Variants in TMC2 observed in about 807,000 individuals in gnomAD.
The protein encoded by TMC2 is transmembrane channel-like protein 2.
Under a neutral mutation model 105.9 loss-of-function variants are expected in TMC2, and 102 were observed. That is an observed-to-expected ratio of 0.96 (90% CI 0.82 to 1.14). TMC2 has a LOEUF of 1.14. Among genes scored for constraint, TMC2 ranks in the 50% most tolerant of loss-of-function variants. The pLI, the probability that TMC2 is intolerant of heterozygous loss-of-function variation, is 0.00. For synonymous variants in TMC2, 402 were observed against 422.8 expected, an observed-to-expected ratio of 0.95 and a Z score of 0.60; for missense variants, 1,093 against 1,134.3, an observed-to-expected ratio of 0.96 and a Z score of 0.52.
rs556619976 is a variant in TMC2, at chr20:2,633,108, T to C, written c.2307-2818T>C. Among the ~76,000 whole-genome samples the C allele has an allele frequency of 2.0e-5, 3 of 152,376 alleles. No individual in the cohort carries two copies. In the East Asian group the frequency reaches 5.8e-4, roughly 29 times the overall value. On this transcript the variant is annotated intron_variant, in intron 17 of 19. Transcript: ENST00000358864. ...TAAAGTCTGTGCTCAGTTAGCTTAG[T>C]AGACACCTACTGACTGGAAAGAGAT...
At chr20:2,537,978 G>T (rs1385782748) in intron 2 of TMC2, among the ~76,000 whole-genome samples, 2 of 152,098 alleles carry the variant, frequency 1.3e-5, no homozygotes, top group Non-Finnish European at 2.9e-5. Context: ...ACACTAGTAG[G>T]CAAGAAACCA....
intron 2 of TMC2, among the ~76,000 whole-genome samples, chr20:2,557,746 G>A (rs1409865068): frequency 6.6e-6 from 1 of 152,128 alleles, no homozygotes; most frequent in Non-Finnish European, 1.5e-5. Flanking sequence ...GGCCAGTCTG[G>A]TCTCCAACTC....
intron 1 of TMC2, 152 bp from the exon 2 acceptor site, chr20:2,537,117 G>A (rs1456339486): frequency 4.4e-6 from 3 of 682,978 alleles, no homozygotes; most frequent in East Asian, 2.7e-5. Flanking sequence ...GACAGGCAGG[G>A]GACTCTATAA....
At chr20:2,596,451 G>A (rs2086307256) in intron 9 of TMC2, among the ~76,000 whole-genome samples, 1 of 152,030 alleles carries the variant, frequency 6.6e-6, no homozygotes, top group African/African-American at 2.4e-5. Flanking sequence ...GGCCAACATG[G>A]CAAAACCCCA....
chr20:2,640,881 G>A (rs1176664293), intron 19 of TMC2, among the ~76,000 whole-genome samples: 1 of 151,952 alleles, frequency 6.6e-6, no homozygotes, highest in African/African-American at 2.4e-5. Context: ...TAGAAAACCC[G>A]GGATCAGAGA....
At chr20:2,639,259 G>A (rs1181742802) in intron 19 of TMC2, among the ~76,000 whole-genome samples, 1 of 152,194 alleles carries the variant, frequency 6.6e-6, no homozygotes, top group Non-Finnish European at 1.5e-5. Context: ...CTGCAGTAGT[G>A]ACAGTGGTGT....
chr20:2,552,442 G>A (rs532440528), intron 2 of TMC2, among the ~76,000 whole-genome samples: 1 of 152,282 alleles, frequency 6.6e-6, no homozygotes, highest in East Asian at 1.9e-4. Flanking sequence ...AGTTCTTTGA[G>A]TTCTTTCATC....
At chr20:2,609,880 C>T (rs1211809181) in intron 11 of TMC2, among the ~76,000 whole-genome samples, 2 of 152,172 alleles carry the variant, frequency 1.3e-5, no homozygotes, top group Non-Finnish European at 2.9e-5. Flanking sequence ...TGGAGTCTTG[C>T]TCTGTCACCC....
In TMC2 at chr20:2,606,880, ATTTCTTT is replaced by A. The variant is rs1200578577; in HGVS notation, c.1414-3528_1414-3522del. On this transcript the variant is annotated intron_variant, in intron 11 of 19. Transcript: ENST00000358864. ...TCAATTTTAATATAGTTTTCCCTTA[ATTTCTTT>A]TTTCTTTTTTTTTTTTTTTTTTTGC... Among the ~76,000 whole-genome samples, 40 of 88,014 alleles carry A rather than the reference ATTTCTTT, an allele frequency of 4.5e-4. 1 individual carries two copies. Among genetic ancestry groups the A allele is most frequent in the African/African-American group, 2.3e-3 (38 of 16,844 alleles). 57.7% of individuals were successfully genotyped at this position (88,014 alleles called of 152,430 possible). A position where few individuals can be genotyped will look rare whatever the true frequency, so the allele number is the denominator to read the frequency against.
chr20:2,562,884 T>C (rs1271436768), intron 4 of TMC2, among the ~76,000 whole-genome samples: 1 of 151,584 alleles, frequency 6.6e-6, no homozygotes. Context: ...AGACAGAGGT[T>C]GTAGTGAGCC....
intron 6 of TMC2, among the ~76,000 whole-genome samples, 154 bp downstream of exon 6, chr20:2,579,381 A>ATTTTT (rs763353264): frequency 6.8e-6 from 1 of 147,886 alleles, no homozygotes; most frequent in Non-Finnish European, 1.5e-5. Context: ...GCCAAGATTT[A>ATTTTT]TTTTTTATTT....
intron 18 of TMC2, 97 bp downstream of exon 18, chr20:2,636,101 G>A: frequency 1.9e-6 from 2 of 1,039,850 alleles, no homozygotes; most frequent in Non-Finnish European, 3.0e-6. Flanking sequence ...TTATCTAAAT[G>A]GCTTTCTTCT....
Position 2,597,140 on chromosome 20 carries a change from G to A in TMC2, c.1077-11G>A. The A allele has an allele frequency of 6.2e-7, 1 of 1,613,558 alleles. No homozygotes were observed. The highest frequency in any genetic ancestry group is 8.5e-7 in the Non-Finnish European group (1 of 1,179,690). On this transcript the variant is annotated splice_polypyrimidine_tract_variant and intron_variant, in intron 9 of 19. Transcript: ENST00000358864. ...AGGGCAGACGTCACAACAGTGCTGT[G>A]TGCCCTACAGGATGGCCAGCAATAC...
chr20:2,624,232 C>T, intron 16 of TMC2, 39 bp from the exon 17 acceptor site: 3 of 1,600,184 alleles, frequency 1.9e-6, no homozygotes, highest in South Asian at 1.1e-5. Flanking sequence ...GCCACAGGCA[C>T]ATGGCAGCAT....
chr20:2,631,571 T>A (rs2086603083), intron 17 of TMC2, among the ~76,000 whole-genome samples: 1 of 152,226 alleles, frequency 6.6e-6, no homozygotes. Flanking sequence ...TTTCAATCTT[T>A]CAAATATGTC....
chr20:2,562,050 A>C (rs745409618), intron 4 of TMC2, 40 bp downstream of exon 4: 1 of 1,592,792 alleles, frequency 6.3e-7, no homozygotes, highest in East Asian at 2.2e-5. Context: ...TCCGATGTCC[A>C]CAGCTCCTTC....
intron 5 of TMC2, among the ~76,000 whole-genome samples, chr20:2,577,109 T>C (rs1165540816): frequency 6.6e-6 from 1 of 151,462 alleles, no homozygotes; most frequent in Non-Finnish European, 1.5e-5. Flanking sequence ...GGTTTGACCA[T>C]GTTGGCCAGG....
chr20:2,553,331 G>A (rs2085967805), intron 2 of TMC2, among the ~76,000 whole-genome samples: 1 of 151,948 alleles, frequency 6.6e-6, no homozygotes, highest in South Asian at 2.1e-4. Context: ...TGTTTTCTCT[G>A]CATCTATTGA....
At chr20:2,605,163 G>A (rs948621210) in intron 11 of TMC2, among the ~76,000 whole-genome samples, 4 of 152,094 alleles carry the variant, frequency 2.6e-5, no homozygotes, top group East Asian at 1.9e-4. Flanking sequence ...TTTACGCTAC[G>A]CAGCTGGTAT....
Sources: gnomAD v4.1 joint callset for allele counts (sites outside exome capture counted in the v4.1 genomes callset) on GRCh38, gnomAD v4.1.1 for gene constraint, MANE v1.5 for transcripts, NCBI Gene and HGNC (gene_info 2026-07-23, HGNC 2026-07-21) for gene names.